AFP: variants seen among roughly 807,000 people sequenced by gnomAD.
The protein encoded by AFP is alpha-fetoprotein.
In AFP, 64 loss-of-function variants were observed where a neutral mutation model predicts 78.9. That is an observed-to-expected ratio of 0.81 (90% CI 0.66 to 1.00). AFP has a LOEUF of 1.00. AFP is among the 50% of genes least tolerant of loss of function. AFP has a pLI of 0.00. For missense variants in AFP, 689 were observed against 703.8 expected (o/e 0.98, Z 0.24); for synonymous variants, 254 against 243.8 (o/e 1.04, Z -0.39).
chr4:73,437,942 A>G (rs1480599115), intron 2 of AFP, among the ~76,000 whole-genome samples: 1 of 152,064 alleles, frequency 6.6e-6, no homozygotes, highest in African/African-American at 2.4e-5. Flanking sequence ...AAATCCACTT[A>G]TTTTAGCCTT....
intron 11 of AFP, 85 bp downstream of exon 11, chr4:73,450,838 G>T: frequency 6.2e-7 from 1 of 1,604,902 alleles, no homozygotes; most frequent in Non-Finnish European, 8.5e-7. Context: ...AGGGAAGACG[G>T]TAAAAACCAA....
rs758839496 is a variant in AFP at position 73,443,364 on chromosome 4, A to C, written c.633A>C (p.Lys211Asn). 2.5e-6 allele frequency: 4 copies of C among 1,613,602 alleles called. No homozygotes were observed. The highest frequency in any genetic ancestry group is 3.4e-6 in the Non-Finnish European group (4 of 1,179,544). Residue 211 changes from lysine to asparagine, a missense_variant, in exon 6 of 15, where the codon AAA (lysine) becomes AAC (asparagine). Lys to Asn is a moderately conservative substitution (Grantham distance 94). Transcript: ENST00000395792. ...CFQTKAATVTKELRESSLLNQ... is the reference protein window; with the variant it reads ...CFQTKAATVTNELRESSLLNQ... Reference sequence around the variant, plus strand: ...ACATCTAGGCAGCAACAGTTACAAAAGAATTAAGAGAAAGCAGCTTGTTAA... The same window carrying C: ...ACATCTAGGCAGCAACAGTTACAAACGAATTAAGAGAAAGCAGCTTGTTAA...
At chr4:73,441,258 G>T (rs992218479) in intron 4 of AFP, among the ~76,000 whole-genome samples, 4 of 152,070 alleles carry the variant, frequency 2.6e-5, no homozygotes, top group African/African-American at 7.2e-5. Flanking sequence ...CATGGCAAAG[G>T]TTTACTGAAC....
chr4:73,443,548 C>T, intron 6 of AFP, 104 bp downstream of exon 6: 1 of 809,868 alleles, frequency 1.2e-6, no homozygotes, highest in African/African-American at 1.7e-5. Flanking sequence ...GAATGAAGAC[C>T]CCTTTGTGAC....
chr4:73,445,550 G>C (rs971423499), intron 7 of AFP, among the ~76,000 whole-genome samples: 3 of 152,150 alleles, frequency 2.0e-5, no homozygotes, highest in South Asian at 2.1e-4. Context: ...TGACCTCAAG[G>C]AATTCACAGT....
In AFP at chr4:73,455,239, C is replaced by CA. The variant is rs757953972; in HGVS notation, c.1794dup (p.Leu599ThrfsTer33). On this transcript the variant is annotated frameshift_variant, in exon 14 of 15. Coordinates refer to ENST00000395792, the MANE Select transcript of AFP (RefSeq NM_001134.3). LOFTEE classifies it high-confidence loss of function. Reference sequence around the variant, plus strand: ...TATGTTTATTCTTAATTTTCAGGGACAAAAACTGATTTCAAAAACTCGTGC... The same window carrying CA: ...TATGTTTATTCTTAATTTTCAGGGACAAAAAACTGATTTCAAAAACTCGTGC... 1.2e-6 allele frequency: 2 copies of CA among 1,610,964 alleles called. No individual in the cohort carries two copies. Among genetic ancestry groups the CA allele is most frequent in the Non-Finnish European group, 1.7e-6 (2 of 1,177,618 alleles).
rs751216427 is a variant in AFP at position 73,447,726 on chromosome 4, G to A, written c.1058+50G>A. The A allele has an allele frequency of 8.9e-6, 13 of 1,456,664 alleles. No homozygotes were observed. In the East Asian group the frequency reaches 2.7e-4, roughly 31 times the overall value. The allele number at this position is 1,456,664 out of a possible 1,614,324, so 90.2% of individuals were successfully genotyped here. A position where few individuals can be genotyped will look rare whatever the true frequency, so the allele number is the denominator to read the frequency against. ...TCATGCAAGTAAAAATGATTATGTG[G>A]CTGACAGATTTGCGTTGTTGAAATG... On this transcript the variant is annotated intron_variant, in intron 8 of 14. Coordinates refer to ENST00000395792, the MANE Select transcript of AFP (RefSeq NM_001134.3).
At chr4:73,437,113 T>C (rs762352426) in intron 1 of AFP, 47 bp from the exon 2 acceptor site, 19 of 1,377,082 alleles carry the variant, frequency 1.4e-5, no homozygotes, top group Non-Finnish European at 2.0e-5. Flanking sequence ...ATTACTTTCT[T>C]GGTTGCAGTT....
intron 1 of AFP, among the ~76,000 whole-genome samples, chr4:73,436,844 C>T (rs972827586): frequency 1.3e-5 from 2 of 151,706 alleles, no homozygotes; most frequent in African/African-American, 2.4e-5. Flanking sequence ...CAAAAGAATG[C>T]CTGAAATATA....
rs1720020809 is a variant in AFP at position 73,452,383 on chromosome 4, T to TC, written c.1429-17dup. 1.2e-6 allele frequency: 2 copies of TC among 1,610,056 alleles called. No homozygotes were observed. The highest frequency in any genetic ancestry group is 4.5e-5 in the East Asian group (2 of 44,866). ...AATGCCCAATCTCCTTACTTTTTTT[T>TC]CTCATTCTCCTAACCAGGCTGACAT... On this transcript the variant is annotated splice_polypyrimidine_tract_variant and intron_variant, in intron 11 of 14. Transcript: ENST00000395792.
At chr4:73,441,060 A>T (rs1018593490) in intron 4 of AFP, among the ~76,000 whole-genome samples, 1 of 152,018 alleles carries the variant, frequency 6.6e-6, no homozygotes, top group East Asian at 1.9e-4. Context: ...TAGTCCCTTG[A>T]GAGATATACA....
chr4:73,445,593 G>T (rs958473254), intron 7 of AFP, among the ~76,000 whole-genome samples: 5 of 152,160 alleles, frequency 3.3e-5, no homozygotes, highest in Admixed American at 6.6e-5. Context: ...GACCTCCTTG[G>T]AGTTAGGGAC....
At chr4:73,443,755 C>G (rs3822100) in intron 6 of AFP, among the ~76,000 whole-genome samples, 34,797 of 151,956 alleles carry the variant, frequency 0.23, 4,221 homozygotes, top group Admixed American at 0.34. Context: ...CATCACTAGA[C>G]CATATTTTTC....
chr4:73,446,176 C>T (rs1375498322), intron 7 of AFP, among the ~76,000 whole-genome samples: 1 of 152,144 alleles, frequency 6.6e-6, no homozygotes, highest in Non-Finnish European at 1.5e-5. Context: ...TGGGAGGAGG[C>T]AGCCTGGCAG....
intron 7 of AFP, 82 bp downstream of exon 7, chr4:73,445,204 T>G: frequency 6.4e-7 from 1 of 1,553,916 alleles, no homozygotes; most frequent in Non-Finnish European, 8.9e-7. Context: ...GAGAAGGTTG[T>G]TTGACTTGAA....
intron 6 of AFP, among the ~76,000 whole-genome samples, chr4:73,443,693 T>C (rs577777302): frequency 1.1e-4 from 16 of 152,274 alleles, no homozygotes; most frequent in Non-Finnish European, 8.8e-5. Context: ...GTTTATGTTA[T>C]TTACCTGTTC....
rs187860082 is a variant in AFP, at chr4:73,446,861, C to T, written c.844-601C>T. On this transcript the variant is annotated intron_variant, in intron 7 of 14. Coordinates refer to ENST00000395792, the MANE Select transcript of AFP (RefSeq NM_001134.3). Reference sequence around the variant, plus strand: ...AAATAACATAGGATTTAGCTTACAACTATGGAAAGAAGAATTGAACAAACA... The same window carrying T: ...AAATAACATAGGATTTAGCTTACAATTATGGAAAGAAGAATTGAACAAACA... Among the ~76,000 whole-genome samples the T allele has an allele frequency of 6.4e-4, 98 of 152,128 alleles. 1 individual carries two copies. Among genetic ancestry groups the T allele is most frequent in the Admixed American group, 1.8e-3 (27 of 15,280 alleles).
chr4:73,450,420 T>C, intron 10 of AFP, 195 bp from the exon 11 acceptor site: 3 of 730,180 alleles, frequency 4.1e-6, no homozygotes, highest in Non-Finnish European at 4.4e-6. Context: ...TGTGATATGC[T>C]TCTATAATAG....
At position 73,442,371 on chromosome 4, in the gene AFP, C is replaced by G. The variant is rs146140853; in HGVS notation, c.558C>G (p.Asp186Glu). 4.3e-6 allele frequency: 7 copies of G among 1,613,904 alleles called. No individual in the cohort carries two copies. The African/African-American group carries it at 9.3e-5, about 22-fold the overall frequency. ...TTCTTCTTTGGGCTGCTCGCTATGA[C>G]AAAATAATTCCATCTTGCTGCAAAG... ...PTILLWAARY[D>E]KIIPSCCKAE... is the part of the protein sequence containing the mutation. The change falls in exon 5 of 15, where the codon GAC (aspartate) becomes GAG (glutamate). Residue 186 changes from aspartate (D) to glutamate (E), a missense_variant. Transcript: ENST00000395792.
Sources: gnomAD v4.1 joint callset for allele counts (sites outside exome capture counted in the v4.1 genomes callset) on GRCh38, gnomAD v4.1.1 for gene constraint, MANE v1.5 for transcripts, NCBI Gene and HGNC (gene_info 2026-07-23, HGNC 2026-07-21) for gene names.